The following ANO10 variants were observed in gnomAD, a reference collection of about 807,000 sequenced individuals.
The protein encoded by ANO10 is anoctamin 10, also known as anoctamin-10.
Under a neutral mutation model 74.7 loss-of-function variants are expected in ANO10, and 77 were observed. The ratio of observed to expected loss-of-function variants is 1.03; its 90% CI spans 0.86 to 1.25. The LOEUF is 1.25. ANO10 is among the 50% of genes most tolerant of loss of function. The pLI, the probability that ANO10 is intolerant of heterozygous loss-of-function variation, is 0.00. For synonymous variants in ANO10, 279 were observed against 284.9 expected (o/e 0.98, Z 0.21); for missense variants, 721 against 778.1 (o/e 0.93, Z 0.87).
intron 12 of ANO10, chr3:43,424,826 C>G (rs1225617684): frequency 6.6e-6 from 1 of 152,196 alleles, no homozygotes; most frequent in Non-Finnish European, 1.5e-5. Flanking sequence ...TAAATTGGCT[C>G]TATCTGGGCA....
chr3:43,568,985 A>G (rs1220154570), intron 7 of ANO10, among the ~76,000 whole-genome samples: 1 of 134,684 alleles, frequency 7.4e-6, no homozygotes, highest in East Asian at 2.1e-4. Context: ...TAGACGCAAT[A>G]AAAAATGATA....
intron 1 of ANO10, among the ~76,000 whole-genome samples, chr3:43,659,945 G>T (rs1460775303): frequency 1.3e-5 from 2 of 152,064 alleles, no homozygotes; most frequent in East Asian, 1.9e-4. Flanking sequence ...GGCAAACAGG[G>T]TCTGGAGTGG....
chr3:43,566,282 C>A (rs1354279706), intron 7 of ANO10, among the ~76,000 whole-genome samples: 1 of 152,224 alleles, frequency 6.6e-6, no homozygotes, highest in African/African-American at 2.4e-5. Context: ...ATTGCCCAGG[C>A]TTGATTAGGT....
intron 1 of ANO10, among the ~76,000 whole-genome samples, chr3:43,612,616 T>G (rs2082884875): frequency 6.6e-6 from 1 of 152,204 alleles, no homozygotes; most frequent in Non-Finnish European, 1.5e-5. Context: ...TTGGACTTAC[T>G]TATTCTAACT....
intron 1 of ANO10, among the ~76,000 whole-genome samples, chr3:43,631,399 C>G (rs1418987260): frequency 6.6e-6 from 1 of 152,134 alleles, no homozygotes; most frequent in Non-Finnish European, 1.5e-5. Context: ...ATTTCTGTTC[C>G]TCAGTTGGCC....
Position 43,600,517 on chromosome 3 carries a change from G to A in ANO10, c.204C>T (p.Asn68=), listed in dbSNP as rs2082294476. The change falls in exon 3 of 13, where the codon AAC becomes AAT. Residue 68 remains asparagine, a synonymous_variant. Coordinates refer to ENST00000292246, the MANE Select transcript of ANO10 (RefSeq NM_018075.5). ...TCTTGGAGGCACCAACAAGATATAA[G>A]TTCTGATTTTCTAGTGTTTCTTGTT... ...KYEQETLENQ[N]LYLVGASKIR... 6.2e-7 allele frequency: 1 copy of A among 1,613,798 alleles called. No individual in the cohort carries two copies. The highest frequency in any genetic ancestry group is 8.5e-7 in the Non-Finnish European group (1 of 1,179,746).
At chr3:43,690,934 G>T in intron 1 of ANO10, 2 of 1,528,162 alleles carry the variant, frequency 1.3e-6, no homozygotes, top group East Asian at 5.4e-5. Context: ...GCCCGGGGCG[G>T]CCCAGTCGGC....
chr3:43,644,398 G>C (rs1422035788), intron 1 of ANO10, among the ~76,000 whole-genome samples: 1 of 152,150 alleles, frequency 6.6e-6, no homozygotes, highest in East Asian at 1.9e-4. Flanking sequence ...GGGGGTGGGA[G>C]GGTGAGAAAT....
chr3:43,602,678 T>C (rs1325960787), intron 2 of ANO10, among the ~76,000 whole-genome samples: 1 of 152,234 alleles, frequency 6.6e-6, no homozygotes, highest in Non-Finnish European at 1.5e-5. Flanking sequence ...CATTTTGTTT[T>C]GAAAAAGAGC....
intron 1 of ANO10, among the ~76,000 whole-genome samples, chr3:43,681,203 A>C (rs931631351): frequency 1.5e-4 from 23 of 152,100 alleles, no homozygotes; most frequent in Admixed American, 1.4e-3. Flanking sequence ...GCAGAGACAC[A>C]CATAGGCTCA....
At chr3:43,552,728 ATGTATGTATGTATG>A (rs1284828938) in intron 10 of ANO10, among the ~76,000 whole-genome samples, 3 of 100,194 alleles carry the variant, frequency 3.0e-5, no homozygotes, top group African/African-American at 7.6e-5. Flanking sequence ...ATATATATAT[ATGTATGTATGTATG>A]TATGTATGTA....
chr3:43,549,878 TTGCAATGAC>T (rs2079381132), intron 10 of ANO10, 30 bp from the exon 11 acceptor site: 1 of 1,611,778 alleles, frequency 6.2e-7, no homozygotes, highest in Non-Finnish European at 8.5e-7. Flanking sequence ...AAATTAAAAA[TTGCAATGAC>T]TGCTTCCATA....
intron 2 of ANO10, 46 bp downstream of exon 2, chr3:43,605,668 A>G (rs1423707465): frequency 6.2e-7 from 1 of 1,605,190 alleles, no homozygotes; most frequent in East Asian, 2.2e-5. Flanking sequence ...CTGAGCATAC[A>G]GTGTGGGAGG....
intron 11 of ANO10, among the ~76,000 whole-genome samples, chr3:43,433,588 A>G (rs982928151): frequency 2.0e-5 from 3 of 152,218 alleles, no homozygotes; most frequent in African/African-American, 7.2e-5. Flanking sequence ...TGGTAAGTAC[A>G]CAGACATTAT....
At chr3:43,442,326 A>C (rs1336184437) in intron 11 of ANO10, among the ~76,000 whole-genome samples, 1 of 152,158 alleles carries the variant, frequency 6.6e-6, no homozygotes, top group East Asian at 1.9e-4. Context: ...AAATGAACTC[A>C]GCAGAATTGT....
chr3:43,495,875 G>T (rs192803108), intron 11 of ANO10, among the ~76,000 whole-genome samples: 1 of 151,978 alleles, frequency 6.6e-6, no homozygotes, highest in East Asian at 1.9e-4. Context: ...AACTTTTTTT[G>T]TATTTTTAGT....
intron 3 of ANO10, among the ~76,000 whole-genome samples, chr3:43,599,721 C>T (rs182435671): frequency 1.8e-4 from 28 of 151,966 alleles, no homozygotes; most frequent in Admixed American, 9.2e-4. Context: ...CTGGCTAACA[C>T]GGTGAAACCC....
chr3:43,535,566 G>A (rs138771233), intron 11 of ANO10, among the ~76,000 whole-genome samples: 21 of 152,220 alleles, frequency 1.4e-4, no homozygotes, highest in Non-Finnish European at 1.9e-4. Flanking sequence ...GAGCCACAGC[G>A]CCTGGCCTCC....
intron 11 of ANO10, among the ~76,000 whole-genome samples, chr3:43,518,975 C>T (rs1173428136): frequency 2.6e-5 from 4 of 152,110 alleles, no homozygotes; most frequent in Admixed American, 6.5e-5. Context: ...ACACCCTATT[C>T]GTACACCCCT....
Sources: allele counts gnomAD v4.1 joint callset (sites outside exome capture counted in the v4.1 genomes callset), GRCh38; gene constraint gnomAD v4.1.1; transcripts MANE v1.5; gene names NCBI Gene and HGNC (gene_info 2026-07-23, HGNC 2026-07-21).